Variants in MRPS27 observed in about 807,000 individuals in gnomAD.
MRPS27 encodes mitochondrial ribosomal protein S27, also known as small ribosomal subunit protein mS27.
Under a neutral mutation model 48.9 loss-of-function variants are expected in MRPS27, and 43 were observed. The observed-to-expected ratio is 0.88, with a 90% CI of 0.69 to 1.13. The LOEUF (loss-of-function observed/expected upper bound fraction) is 1.13, where lower values mean the gene tolerates loss of function less well. Ranked by LOEUF, MRPS27 falls within the 50% of genes most tolerant of loss-of-function variation. The probability of loss-of-function intolerance (pLI) is 0.00; values close to 1 mark genes in which losing one functional copy is unlikely to be tolerated. For missense variants in MRPS27, 467 were observed against 476.3 expected, an observed-to-expected ratio of 0.98 and a Z score of 0.18; for synonymous variants, 188 against 171.9, an observed-to-expected ratio of 1.09 and a Z score of -0.73.
intron 1 of MRPS27, among the ~76,000 whole-genome samples, chr5:72,319,321 T>A (rs1198361523): frequency 6.6e-6 from 1 of 152,188 alleles, no homozygotes; most frequent in Non-Finnish European, 1.5e-5. Flanking sequence ...ATTTATTATC[T>A]ACACGTGGAA....
In MRPS27 at chr5:72,240,872, A is replaced by G. The variant is rs541185238; in HGVS notation, c.282-2744T>C. Among the ~76,000 whole-genome samples the G allele has an allele frequency of 4.6e-5, 7 of 152,320 alleles. No individual in the cohort carries two copies. In the East Asian group the frequency reaches 1.2e-3, roughly 25 times the overall value. ...CTCAAGACTTCACACATCGAATACA[A>G]TCATCTCTGCACAGCAGCCTTTTGA... On this transcript the variant is annotated intron_variant, in intron 4 of 10. Coordinates refer to ENST00000261413, the MANE Select transcript of MRPS27 (RefSeq NM_015084.3).
In MRPS27 at chr5:72,223,437, G is replaced by T. The variant is rs2289282; in HGVS notation, c.1005+246C>A. Among the ~76,000 whole-genome samples the T allele has an allele frequency of 2.2e-3, 340 of 152,304 alleles. 5 individuals carry two copies. The East Asian group carries it at 0.053, about 24-fold the overall frequency. ...ACAGGTGCATATCAGGAATAAGTGGGTAATGACATGCCACCTTAGTGAACA... is the reference window on the plus strand; with the variant it reads ...ACAGGTGCATATCAGGAATAAGTGGTTAATGACATGCCACCTTAGTGAACA... On this transcript the variant is annotated intron_variant, in intron 10 of 10. Transcript: ENST00000261413.
In MRPS27 at chr5:72,231,958, C is replaced by T. The variant is rs1426160232; in HGVS notation, c.591+485G>A. 5.3e-5 allele frequency among the ~76,000 whole-genome samples: 8 copies of T among 152,134 alleles called. No homozygotes were observed. The South Asian group carries it at 1.7e-3, about 32-fold the overall frequency. Reference sequence around the variant, plus strand: ...CTTAAAATATCAGTTATTGCTATTGCTATTCTTAGGACAACAATAAGCAAT... The same window carrying T: ...CTTAAAATATCAGTTATTGCTATTGTTATTCTTAGGACAACAATAAGCAAT... On this transcript the variant is annotated intron_variant, in intron 7 of 10. Transcript: ENST00000261413.
At chr5:72,319,318 A>T (rs751638809) in intron 1 of MRPS27, among the ~76,000 whole-genome samples, 1 of 152,172 alleles carries the variant, frequency 6.6e-6, no homozygotes, top group African/African-American at 2.4e-5. Context: ...AGCATTTATT[A>T]TCTACACGTG....
chr5:72,232,665 A>G (rs1246965228), intron 6 of MRPS27, 107 bp from the exon 7 acceptor site: 1 of 766,458 alleles, frequency 1.3e-6, no homozygotes, highest in Non-Finnish European at 2.1e-6. Flanking sequence ...GGTTTAAAAA[A>G]ATGCAGAATT....
chr5:72,242,603 T>C (rs1306035709), intron 4 of MRPS27, among the ~76,000 whole-genome samples: 1 of 145,730 alleles, frequency 6.9e-6, no homozygotes, highest in African/African-American at 2.6e-5. Flanking sequence ...GTGGGTAAAG[T>C]AGGAGGATGT....
intron 2 of MRPS27, among the ~76,000 whole-genome samples, chr5:72,308,877 T>C (rs182345752): frequency 1.3e-5 from 2 of 152,210 alleles, no homozygotes; most frequent in Non-Finnish European, 2.9e-5. Flanking sequence ...AACAAGGGGC[T>C]TAGGGACTCC....
intron 2 of MRPS27, among the ~76,000 whole-genome samples, chr5:72,304,591 G>T (rs1428125926): frequency 6.6e-6 from 1 of 152,168 alleles, no homozygotes; most frequent in Non-Finnish European, 1.5e-5. Context: ...ACTACATAAT[G>T]ACCAAAAATT....
At chr5:72,309,522 G>A (rs1467661422) in intron 2 of MRPS27, among the ~76,000 whole-genome samples, 1 of 152,136 alleles carries the variant, frequency 6.6e-6, no homozygotes, top group African/African-American at 2.4e-5. Flanking sequence ...GCCTCCCAAA[G>A]TGCTGGGATT....
chr5:72,221,328 G>C (rs993012787), intron 10 of MRPS27, among the ~76,000 whole-genome samples, 180 bp from the exon 11 acceptor site: 2 of 152,134 alleles, frequency 1.3e-5, no homozygotes, highest in Admixed American at 1.3e-4. Flanking sequence ...CACACATTTT[G>C]CTGGTAGAAA....
intron 4 of MRPS27, among the ~76,000 whole-genome samples, chr5:72,253,049 G>A (rs1190264846): frequency 6.6e-6 from 1 of 152,166 alleles, no homozygotes; most frequent in Non-Finnish European, 1.5e-5. Flanking sequence ...TCCTGTCTCA[G>A]CTCCACTCAC....
intron 4 of MRPS27, among the ~76,000 whole-genome samples, chr5:72,248,379 G>A (rs956501510): frequency 1.5e-4 from 23 of 152,104 alleles, no homozygotes; most frequent in African/African-American, 4.8e-4. Context: ...ACAAAGTTCC[G>A]GGTTCATCTG....
intron 2 of MRPS27, among the ~76,000 whole-genome samples, chr5:72,302,683 G>C (rs1312920066): frequency 6.6e-6 from 1 of 152,212 alleles, no homozygotes; most frequent in Non-Finnish European, 1.5e-5. Flanking sequence ...GTTTAGAGGA[G>C]CAGTCCCTTT....
chr5:72,297,443 C>T (rs905288058), intron 3 of MRPS27, among the ~76,000 whole-genome samples, 189 bp downstream of exon 3: 1 of 152,172 alleles, frequency 6.6e-6, no homozygotes, highest in Non-Finnish European at 1.5e-5. Flanking sequence ...AATGTATTAA[C>T]TTTTATTTCA....
rs1309466767 is a variant in MRPS27 at position 72,241,652 on chromosome 5, A to G, written c.282-3524T>C. On this transcript the variant is annotated intron_variant, in intron 4 of 10. Coordinates refer to ENST00000261413, the MANE Select transcript of MRPS27 (RefSeq NM_015084.3). The stretch of plus-strand genomic sequence containing the variant: ...TCTCTGGAATGGGCACTTGCCTGGA[A>G]TAATTCTGTGGATTGCTGGATGAGC... 1.6e-5 allele frequency: 24 copies of G among 1,535,408 alleles called. No homozygotes were observed. The East Asian group carries it at 5.9e-4, about 38-fold the overall frequency.
chr5:72,289,359 A>G (rs969884806), intron 4 of MRPS27, among the ~76,000 whole-genome samples: 1 of 152,158 alleles, frequency 6.6e-6, no homozygotes, highest in Non-Finnish European at 1.5e-5. Context: ...TTCTTATTGT[A>G]TAACAATTCA....
intron 4 of MRPS27, among the ~76,000 whole-genome samples, chr5:72,260,954 C>G (rs541928531): frequency 2.6e-5 from 4 of 152,272 alleles, no homozygotes; most frequent in African/African-American, 9.6e-5. Context: ...ACCTCCGCCT[C>G]CTGAGTTCAA....
intron 4 of MRPS27, among the ~76,000 whole-genome samples, chr5:72,281,863 A>G (rs370952040): frequency 1.3e-5 from 2 of 152,210 alleles, no homozygotes; most frequent in East Asian, 1.9e-4. Context: ...AATGAAGACT[A>G]ATGATTGAGT....
At chr5:72,286,828 G>C (rs1239121218) in intron 4 of MRPS27, among the ~76,000 whole-genome samples, 1 of 152,170 alleles carries the variant, frequency 6.6e-6, no homozygotes. Flanking sequence ...ACAAGCACTG[G>C]GTGATGGTGA....
Sources: allele counts gnomAD v4.1 joint callset (sites outside exome capture counted in the v4.1 genomes callset), GRCh38; gene constraint gnomAD v4.1.1; transcripts MANE v1.5; gene names NCBI Gene and HGNC (gene_info 2026-07-23, HGNC 2026-07-21).